Variants in MBP observed in about 807,000 individuals in gnomAD.
MBP encodes the protein myelin basic protein.
Under a neutral mutation model 35.8 loss-of-function variants are expected in MBP, and 16 were observed. The ratio of observed to expected loss-of-function variants is 0.45; its 90% confidence interval spans 0.30 to 0.68. MBP has a LOEUF of 0.68. Among genes scored for constraint, MBP ranks in the 30% least tolerant of loss-of-function variants. The pLI is 0.08. For synonymous variants in MBP, 143 were observed against 159.6 expected (o/e 0.90, Z 0.78); for missense variants, 380 against 404.7 (o/e 0.94, Z 0.52).
Position 77,103,202 on chromosome 18 carries a change from C to G in MBP, c.51+2009G>C, listed in dbSNP as rs527243175. Reference sequence around the variant, plus strand: ...ATGTGGCTGACATAGAAATTAAGTACAAATCAGAGAAGGCCCCATTTCTTC... The same window carrying G: ...ATGTGGCTGACATAGAAATTAAGTAGAAATCAGAGAAGGCCCCATTTCTTC... On this transcript the variant is annotated intron_variant, in intron 2 of 8. Coordinates refer to ENST00000355994, the MANE Select transcript of MBP (RefSeq NM_001025101.2). Among the ~76,000 whole-genome samples the G allele has an allele frequency of 2.6e-5, 4 of 152,274 alleles. No homozygotes were observed. In the East Asian group the frequency reaches 7.7e-4, roughly 29 times the overall value.
chr18:77,096,240 A>G (rs1975752714), intron 2 of MBP, among the ~76,000 whole-genome samples: 1 of 152,274 alleles, frequency 6.6e-6, no homozygotes, highest in African/African-American at 2.4e-5. Flanking sequence ...GTTGATGGAA[A>G]GAGCTGAATT....
intron 1 of MBP, among the ~76,000 whole-genome samples, chr18:77,124,115 G>A (rs745420196): frequency 7.9e-5 from 12 of 152,110 alleles, no homozygotes; most frequent in Non-Finnish European, 1.3e-4. Flanking sequence ...CCCAAAAGAC[G>A]GGCCGCAACA....
rs183740467 is a variant in MBP at position 77,032,478 on chromosome 18, C to T, written c.140-15210G>A. Among the ~76,000 whole-genome samples, 11 of 127,160 alleles carry T rather than the reference C, an allele frequency of 8.7e-5. No individual in the cohort carries two copies. In the East Asian group the frequency reaches 1.5e-3, roughly 17 times the overall value. 83.4% of individuals were successfully genotyped at this position (127,160 alleles called of 152,430 possible). A position where few individuals can be genotyped will look rare whatever the true frequency, so the allele number is the denominator to read the frequency against. ...CATAGCTCACCCCTGGCACCTCCCA[C>T]GGCAGGGAAGAGGCCACAGGAGAGG... is the stretch of plus-strand genomic sequence containing the variant. On this transcript the variant is annotated intron_variant, in intron 3 of 8. Transcript: ENST00000355994.
chr18:77,054,759 C>T (rs1973657590), intron 3 of MBP, among the ~76,000 whole-genome samples: 1 of 152,096 alleles, frequency 6.6e-6, no homozygotes, highest in Admixed American at 6.6e-5. Flanking sequence ...ACCATGCACA[C>T]ATCTCAAATT....
chr18:77,131,081 A>ACG lies in MBP; in HGVS notation c.-26+1497_-26+1498dup, dbSNP rs57104328. On this transcript the variant is annotated intron_variant, in intron 1 of 8. Coordinates refer to ENST00000355994, the MANE Select transcript of MBP (RefSeq NM_001025101.2). The surrounding 1 kb of genome is among the most constrained non-coding windows in gnomAD (Gnocchi z 5.5). ...ACAAAACACACACACGCGCGCACGC[A>ACG]CGCGCACACACACACACACACACAC... 2.3e-5 allele frequency among the ~76,000 whole-genome samples: 2 copies of ACG among 87,872 alleles called. No homozygotes were observed. The highest frequency in any genetic ancestry group is 6.3e-5 in the African/African-American group (2 of 31,622). 57.6% of individuals were successfully genotyped at this position (87,872 alleles called of 152,430 possible).
chr18:77,066,062 T>C (rs935291115), intron 3 of MBP: 3 of 473,882 alleles, frequency 6.3e-6, no homozygotes, highest in African/African-American at 4.0e-5. Context: ...GAGGTCTCAT[T>C]GTGTTGCCCG....
Position 76,989,816 on chromosome 18 carries a change from G to T in MBP, c.681+140C>A, listed in dbSNP as rs763503025. 1.6e-4 allele frequency: 108 copies of T among 677,580 alleles called. No homozygotes were observed. Among genetic ancestry groups the T allele is most frequent in the Non-Finnish European group, 2.6e-4 (101 of 382,676 alleles). The allele number at this position is 677,580 out of a possible 1,614,324, so 42.0% of individuals were successfully genotyped here. On this transcript the variant is annotated intron_variant, in intron 5 of 8. Coordinates refer to ENST00000355994, the MANE Select transcript of MBP (RefSeq NM_001025101.2). The surrounding 1 kb of genome is among the most constrained non-coding windows in gnomAD (Gnocchi z 4.0). ...GAACTCGCGATCAGGTGCGAGGGGG[G>T]AGTTCCCCGGCCGGCCTCACCCTGA...
Position 77,131,423 on chromosome 18 carries a change from G to GA in MBP, c.-26+1156dup. On this transcript the variant is annotated intron_variant, in intron 1 of 8. Transcript: ENST00000355994. This position sits in a 1 kb window ranked among gnomAD's most constrained non-coding sequence, Gnocchi z 5.5. ...TTCCAGGCGGGGCGTTCTGTGGTCA[G>GA]ACGAGGCAGAGGCCTCCCCGGAACG... 6.6e-6 allele frequency: 1 copy of GA among 152,230 alleles called. No homozygotes were observed. The highest frequency in any genetic ancestry group is 6.5e-5 in the Admixed American group (1 of 15,270). 9.4% of individuals were successfully genotyped at this position (152,230 alleles called of 1,614,324 possible). A position where few individuals can be genotyped will look rare whatever the true frequency, so the allele number is the denominator to read the frequency against.
intron 3 of MBP, among the ~76,000 whole-genome samples, chr18:77,042,273 T>C (rs1973040818): frequency 6.6e-6 from 1 of 152,064 alleles, no homozygotes; most frequent in Non-Finnish European, 1.5e-5. Context: ...CTGGAAAACC[T>C]CCTGTTCGGT....
intron 3 of MBP, among the ~76,000 whole-genome samples, chr18:77,025,194 T>G (rs1972158598): frequency 6.6e-6 from 1 of 152,210 alleles, no homozygotes; most frequent in African/African-American, 2.4e-5. Context: ...CCTCTAGCTG[T>G]CTGACACCAG....
intron 4 of MBP, among the ~76,000 whole-genome samples, chr18:76,997,892 C>A (rs1052409585): frequency 1.3e-5 from 2 of 152,176 alleles, no homozygotes; most frequent in South Asian, 2.1e-4. Flanking sequence ...CTGTGTTAGC[C>A]AGGATGGTCT....
At chr18:77,092,293 T>TAA (rs1975561667) in intron 2 of MBP, among the ~76,000 whole-genome samples, 1 of 152,098 alleles carries the variant, frequency 6.6e-6, no homozygotes, top group African/African-American at 2.4e-5. Context: ...ACCCTCCCTC[T>TAA]GTCCCTCGCG....
chr18:77,009,813 CT>C (rs1971231892), intron 4 of MBP: 1 of 1,531,682 alleles, frequency 6.5e-7, no homozygotes, highest in Non-Finnish European at 8.8e-7. Flanking sequence ...CAGGTCACCC[CT>C]GGCCCCGATG....
At chr18:77,094,505 C>T (rs539263430) in intron 2 of MBP, among the ~76,000 whole-genome samples, 10 of 152,316 alleles carry the variant, frequency 6.6e-5, no homozygotes, top group African/African-American at 2.2e-4. Context: ...CGTTAAATGA[C>T]GACTGTAGGA....
chr18:77,105,139 C>G, intron 2 of MBP, 72 bp downstream of exon 2: 1 of 1,486,536 alleles, frequency 6.7e-7, no homozygotes, highest in Non-Finnish European at 9.4e-7. Context: ...CCCGTAGCCT[C>G]TGACACACCA....
chr18:77,000,610 A>G (rs1201619930), intron 4 of MBP, among the ~76,000 whole-genome samples: 1 of 152,200 alleles, frequency 6.6e-6, no homozygotes, highest in Non-Finnish European at 1.5e-5. Flanking sequence ...TCAACCTGCG[A>G]TGATACCCAT....
intron 4 of MBP, chr18:77,015,559 TAAG>T: frequency 1.0e-6 from 1 of 985,424 alleles, no homozygotes; most frequent in Non-Finnish European, 1.2e-6. Context: ...CATTAGTATC[TAAG>T]ACACACAAAA....
intron 2 of MBP, among the ~76,000 whole-genome samples, chr18:77,070,204 G>T (rs1974383209): frequency 6.6e-6 from 1 of 152,170 alleles, no homozygotes; most frequent in Admixed American, 6.5e-5. Context: ...AGAGGGGATG[G>T]GTCCTGGCAG....
chr18:77,077,775 GA>G (rs1439246526), intron 2 of MBP, among the ~76,000 whole-genome samples: 2 of 152,216 alleles, frequency 1.3e-5, no homozygotes, highest in Non-Finnish European at 2.9e-5. Flanking sequence ...GGTAATCCCA[GA>G]AAAACATGTC....
Sources: allele counts gnomAD v4.1 joint callset (sites outside exome capture counted in the v4.1 genomes callset), GRCh38; gene constraint gnomAD v4.1.1; non-coding constraint Gnocchi (gnomAD v3.1); transcripts MANE v1.5; gene names NCBI Gene and HGNC (gene_info 2026-07-23, HGNC 2026-07-21).